Variants in PCDHGA9 observed in about 807,000 individuals in gnomAD.
PCDHGA9 encodes the protein protocadherin gamma-A9.
A neutral mutation model predicts 62.5 loss-of-function variants in PCDHGA9; 37 were observed. The ratio of observed to expected loss-of-function variants is 0.59; its 90% CI spans 0.46 to 0.78. PCDHGA9 has a LOEUF of 0.78. Among genes scored for constraint, PCDHGA9 ranks in the 30% least tolerant of loss-of-function variants. The probability of loss-of-function intolerance (pLI) is 0.00; values close to 1 mark genes in which losing one functional copy is unlikely to be tolerated. For synonymous variants in PCDHGA9, 459 were observed against 484.6 expected (o/e 0.95, Z 0.69); for missense variants, 1,138 against 1,166.2 (o/e 0.98, Z 0.35).
chr5:141,476,741 A>G lies in PCDHGA9; in HGVS notation c.2425-18066A>G, dbSNP rs1430298222. On this transcript the variant is annotated intron_variant, in intron 1 of 3. Transcript: ENST00000573521. The surrounding 1 kb of genome is among the most constrained non-coding windows in gnomAD (Gnocchi z 7.6). ...CGCCCTGGACCGAGAACGGGAGCCT[A>G]GTCTCCAGTTAGTGCTGACGGCGTT... The G allele has an allele frequency of 6.2e-7, 1 of 1,613,936 alleles. No individual in the cohort carries two copies. Among genetic ancestry groups the G allele is most frequent in the Non-Finnish European group, 8.5e-7 (1 of 1,180,032 alleles).
chr5:141,413,994 G>A, intron 1 of PCDHGA9: 1 of 1,613,422 alleles, frequency 6.2e-7, no homozygotes, highest in Non-Finnish European at 8.5e-7. Context: ...CCACCGACAG[G>A]GACGAAGGTG....
chr5:141,479,636 CA>C (rs1397283180), intron 1 of PCDHGA9: 1 of 152,080 alleles, frequency 6.6e-6, no homozygotes, highest in African/African-American at 2.4e-5. Flanking sequence ...TTAACAATAA[CA>C]ACAACAACAA....
At chr5:141,413,118 G>A (rs999214227) in intron 1 of PCDHGA9, 4 of 1,517,034 alleles carry the variant, frequency 2.6e-6, no homozygotes, top group Admixed American at 4.3e-5. Flanking sequence ...CAAAGGAACC[G>A]GTTGAAACAC....
At chr5:141,411,189 T>C (rs1222862554) in intron 1 of PCDHGA9, 1 of 152,208 alleles carries the variant, frequency 6.6e-6, no homozygotes, top group Non-Finnish European at 1.5e-5. Context: ...TCTTGGCATC[T>C]AAGAAAACAA....
intron 1 of PCDHGA9, chr5:141,410,230 C>T (rs759582867): frequency 6.2e-7 from 1 of 1,614,006 alleles, no homozygotes; most frequent in Admixed American, 1.7e-5. Flanking sequence ...CAGACCTCAG[C>T]GACCGCCCTG....
At chr5:141,414,916 C>T in intron 1 of PCDHGA9, 2 of 1,614,194 alleles carry the variant, frequency 1.2e-6, no homozygotes, top group Non-Finnish European at 1.7e-6. Context: ...AGGCGTGGAG[C>T]TGGCGCCCCG....
rs757503771 is a variant in PCDHGA9 at position 141,433,052 on chromosome 5, A to C, written c.2424+27676A>C. 31 of 1,614,060 alleles carry C rather than the reference A, an allele frequency of 1.9e-5. No homozygotes were observed. Among genetic ancestry groups the C allele is most frequent in the Non-Finnish European group, 1.8e-5 (21 of 1,180,044 alleles). On this transcript the variant is annotated intron_variant, in intron 1 of 3. Coordinates refer to ENST00000573521, the MANE Select transcript of PCDHGA9 (RefSeq NM_018921.3). ...GGTTTCCCTCACCACGGACTCGCGG[A>C]AGAGTCACCTGATCTTCCCCCAGCC...
intron 1 of PCDHGA9, chr5:141,427,298 G>C (rs960474831): frequency 4.4e-6 from 2 of 456,752 alleles, no homozygotes; most frequent in East Asian, 1.4e-4. Context: ...TCCTAGATGA[G>C]AATGACAATG....
chr5:141,470,738 C>T lies in PCDHGA9; in HGVS notation c.2425-24069C>T, dbSNP rs117476356. On this transcript the variant is annotated intron_variant, in intron 1 of 3. Transcript: ENST00000573521. ...TTTGAGTCAGGGTCTTGCTCTGTCG[C>T]CCTGGCTGGAGTGCAGTGGACTCAC... Among the ~76,000 whole-genome samples the T allele has an allele frequency of 1.9e-3, 295 of 152,226 alleles. 7 individuals carry two copies. In the East Asian group the frequency reaches 0.046, roughly 24 times the overall value.
intron 1 of PCDHGA9, chr5:141,421,587 G>A: frequency 1.2e-6 from 2 of 1,613,900 alleles, no homozygotes; most frequent in South Asian, 1.1e-5. Context: ...TTTACGGAGT[G>A]GAGGTGGAAA....
chr5:141,431,674 G>A lies in PCDHGA9; in HGVS notation c.2424+26298G>A, dbSNP rs756385496. ...ATTCAGGGACAATATCAACAATAGG[G>A]GAGTTGGACCACGAGGAGTCAGGAT... On this transcript the variant is annotated intron_variant, in intron 1 of 3. Transcript: ENST00000573521. The surrounding 1 kb of genome is among the most constrained non-coding windows in gnomAD (Gnocchi z 4.8). 4 of 1,614,234 alleles carry A rather than the reference G, an allele frequency of 2.5e-6. No individual in the cohort carries two copies. The Admixed American group carries it at 6.7e-5, about 27-fold the overall frequency.
intron 1 of PCDHGA9, among the ~76,000 whole-genome samples, chr5:141,465,995 A>G (rs551920109): frequency 1.4e-3 from 208 of 151,976 alleles, no homozygotes; most frequent in African/African-American, 4.8e-3. Context: ...GGTGGCAGGC[A>G]CCTGTAGTCC....
intron 1 of PCDHGA9, chr5:141,408,054 C>G (rs1561710214): frequency 1.5e-6 from 2 of 1,295,924 alleles, no homozygotes; most frequent in East Asian, 2.6e-5. Flanking sequence ...CACAGAGCCT[C>G]CCGGCTGCGC....
At chr5:141,496,693 C>T (rs2099770546) in intron 2 of PCDHGA9, among the ~76,000 whole-genome samples, 1 of 152,164 alleles carries the variant, frequency 6.6e-6, no homozygotes, top group South Asian at 2.1e-4. Context: ...CCTTGCCAAC[C>T]TTCTCATAAG....
At position 141,404,335 on chromosome 5, in the gene PCDHGA9, C is replaced by G. The variant is rs2094514976; in HGVS notation, c.1383C>G (p.Leu461=). The G allele has an allele frequency of 1.2e-6, 2 of 1,613,936 alleles. No individual in the cohort carries two copies. Among genetic ancestry groups the G allele is most frequent in the Non-Finnish European group, 1.7e-6 (2 of 1,179,842 alleles). Residue 461 remains leucine (L), a synonymous_variant, in exon 1 of 4, where the codon CTC becomes CTG. Coordinates refer to ENST00000573521, the MANE Select transcript of PCDHGA9 (RefSeq NM_018921.3). ...AFSQASYSVY[L]PENNARGTSI... is the part of the protein sequence containing the mutation. The stretch of plus-strand genomic sequence containing the variant: ...CTCAAGCCTCCTACTCAGTCTACCT[C>G]CCGGAAAACAACGCCAGAGGTACTT...
At chr5:141,451,019 G>A (rs1348607593) in intron 1 of PCDHGA9, among the ~76,000 whole-genome samples, 7 of 151,274 alleles carry the variant, frequency 4.6e-5, no homozygotes, top group Admixed American at 2.0e-4. Context: ...TAGTAGAGAC[G>A]AGGTTTCACC....
chr5:141,413,157 A>T, intron 1 of PCDHGA9: 2 of 1,578,898 alleles, frequency 1.3e-6, no homozygotes, highest in Non-Finnish European at 1.7e-6. Flanking sequence ...ACTTTGCAGA[A>T]TTCTGTAACC....
At chr5:141,502,621 A>G (rs918589202) in intron 2 of PCDHGA9, among the ~76,000 whole-genome samples, 3 of 152,162 alleles carry the variant, frequency 2.0e-5, no homozygotes, top group African/African-American at 7.2e-5. Context: ...AAATATAAGT[A>G]ATCTGTGGAT....
rs186593502 is a variant in PCDHGA9 at position 141,429,415 on chromosome 5, A to G, written c.2424+24039A>G. Among the ~76,000 whole-genome samples, 582 of 151,976 alleles carry G rather than the reference A, an allele frequency of 3.8e-3. 6 individuals carry two copies. The highest frequency in any genetic ancestry group is 0.011 in the Admixed American group (171 of 15,260). ...AAAAAATTGAGATTAAGGTCTCATT[A>G]TGTTGCCCAGGCTGGACTCAAACTC... is the stretch of plus-strand genomic sequence containing the variant. On this transcript the variant is annotated intron_variant, in intron 1 of 3. Transcript: ENST00000573521.
Sources: allele counts gnomAD v4.1 joint callset (sites outside exome capture counted in the v4.1 genomes callset), GRCh38; gene constraint gnomAD v4.1.1; non-coding constraint Gnocchi (gnomAD v3.1); transcripts MANE v1.5; gene names NCBI Gene and HGNC (gene_info 2026-07-23, HGNC 2026-07-21).